GPHN: variants seen among roughly 807,000 people sequenced by gnomAD.
The protein encoded by GPHN is gephyrin.
A neutral mutation model predicts 95.5 loss-of-function variants in GPHN; 17 were observed. The ratio of observed to expected loss-of-function variants is 0.18; its 90% CI spans 0.12 to 0.27. The LOEUF is 0.27. Among genes scored for constraint, GPHN ranks in the 10% least tolerant of loss-of-function variants. GPHN has a pLI of 1.00. For missense variants in GPHN, 660 were observed against 978.1 expected (o/e 0.67, Z 4.34); for synonymous variants, 320 against 322.5 (o/e 0.99, Z 0.08).
At chr14:66,689,027 A>G (rs1248867698) in intron 2 of GPHN, among the ~76,000 whole-genome samples, 1 of 152,206 alleles carries the variant, frequency 6.6e-6, no homozygotes, top group East Asian at 1.9e-4. Context: ...ACACACCTGC[A>G]TATTGTGCAC....
chr14:67,190,607 A>G, the GPHN span, among the ~76,000 whole-genome samples: 2 of 152,158 alleles, frequency 1.3e-5, no homozygotes, highest in Non-Finnish European at 2.9e-5. Context: ...AATTGAGTAA[A>G]TTTTGGGGGA....
At chr14:67,439,561 C>G in the GPHN span, among the ~76,000 whole-genome samples, 1 of 138,054 alleles carries the variant, frequency 7.2e-6, no homozygotes, top group African/African-American at 3.1e-5. Flanking sequence ...TTCTTTCTTT[C>G]TTTCTTTCTT....
chr14:66,834,772 A>C (rs1321308786), intron 4 of GPHN, among the ~76,000 whole-genome samples: 1 of 150,004 alleles, frequency 6.7e-6, no homozygotes, highest in East Asian at 2.0e-4. Context: ...GGCCTCATAA[A>C]ATGAGTTAGG....
chr14:67,109,161 C>A (rs1025201405), intron 13 of GPHN, among the ~76,000 whole-genome samples: 1 of 152,172 alleles, frequency 6.6e-6, no homozygotes, highest in African/African-American at 2.4e-5. Context: ...ATATGGTAAT[C>A]TTATAGGACC....
At chr14:66,555,053 G>A (rs1410604276) in intron 1 of GPHN, among the ~76,000 whole-genome samples, 1 of 151,910 alleles carries the variant, frequency 6.6e-6, no homozygotes, top group Non-Finnish European at 1.5e-5. Flanking sequence ...TCAGAATATT[G>A]GAACTAAAGT....
chr14:67,483,977 C>T, the GPHN span, among the ~76,000 whole-genome samples: 3 of 152,162 alleles, frequency 2.0e-5, no homozygotes, highest in South Asian at 2.1e-4. Flanking sequence ...GCTCAGAAAG[C>T]GAAGGATGCC....
intron 2 of GPHN, among the ~76,000 whole-genome samples, chr14:66,773,209 T>G (rs1179855127): frequency 2.0e-5 from 3 of 152,084 alleles, no homozygotes; most frequent in African/African-American, 7.2e-5. Context: ...AGGTAATAAG[T>G]TCTTTTGCGT....
chr14:67,733,855 G>T, the GPHN span: 1 of 1,598,404 alleles, frequency 6.3e-7, no homozygotes, highest in Non-Finnish European at 8.6e-7. Flanking sequence ...GTAGCTGGTG[G>T]AAGAGCTGCA....
the GPHN span, among the ~76,000 whole-genome samples, chr14:67,537,019 G>T: frequency 6.6e-6 from 1 of 150,958 alleles, no homozygotes; most frequent in African/African-American, 2.5e-5. Flanking sequence ...CAGCCTGGGT[G>T]ACAGAGCGAG....
the GPHN span, chr14:67,384,366 TG>T: frequency 7.0e-6 from 1 of 143,310 alleles, no homozygotes; most frequent in African/African-American, 2.8e-5. Flanking sequence ...CACTTACTGT[TG>T]TTTTTTTTTT....
chr14:66,996,762 A>AT (rs893295526), intron 9 of GPHN, among the ~76,000 whole-genome samples: 7 of 152,098 alleles, frequency 4.6e-5, no homozygotes, highest in Admixed American at 1.3e-4. Flanking sequence ...GACTTTAATA[A>AT]TTTTTTGCTA....
intron 1 of GPHN, among the ~76,000 whole-genome samples, chr14:66,597,902 G>C (rs2062052454): frequency 6.6e-6 from 1 of 152,172 alleles, no homozygotes; most frequent in East Asian, 1.9e-4. Context: ...ATGGGTGAAT[G>C]GATGAAGAAA....
the GPHN span, among the ~76,000 whole-genome samples, chr14:67,612,531 T>A: frequency 6.6e-6 from 1 of 152,184 alleles, no homozygotes; most frequent in Non-Finnish European, 1.5e-5. Flanking sequence ...GTTCTGAAGC[T>A]CCTGTGGCTT....
rs535124409 is a variant in GPHN at position 66,707,139 on chromosome 14, C to T, written c.143+25954C>T. The stretch of plus-strand genomic sequence containing the variant: ...TACCATCTCACGCCAGTCAGAATGG[C>T]GATTATTAAAAAGTCAATAAACAAT... On this transcript the variant is annotated intron_variant, in intron 2 of 22. Coordinates refer to ENST00000478722, the MANE Select transcript of GPHN (RefSeq NM_020806.5). 2.6e-5 allele frequency among the ~76,000 whole-genome samples: 4 copies of T among 151,038 alleles called. No homozygotes were observed. In the South Asian group the frequency reaches 8.4e-4, roughly 32 times the overall value.
the GPHN span, among the ~76,000 whole-genome samples, chr14:67,304,522 A>G: frequency 2.0e-5 from 3 of 152,212 alleles, no homozygotes. Flanking sequence ...AATTATGCTG[A>G]GCGAAGGAAG....
chr14:67,056,317 C>T (rs2075563172), intron 10 of GPHN, among the ~76,000 whole-genome samples: 2 of 151,844 alleles, frequency 1.3e-5, no homozygotes, highest in African/African-American at 4.8e-5. Context: ...TCCAAGTCCC[C>T]ACTAGATTAG....
chr14:66,584,748 A>G (rs930187997), intron 1 of GPHN, among the ~76,000 whole-genome samples: 1 of 152,094 alleles, frequency 6.6e-6, no homozygotes, highest in African/African-American at 2.4e-5. Context: ...CCACTTGATC[A>G]TGGTGGATAA....
chr14:66,718,120 C>T (rs550669716), intron 2 of GPHN, among the ~76,000 whole-genome samples: 6 of 152,202 alleles, frequency 3.9e-5, no homozygotes, highest in Non-Finnish European at 7.4e-5. Context: ...GAAGTGTGTC[C>T]GGAATTGGTT....
chr14:67,100,432 CA>C (rs2077633093), intron 12 of GPHN, among the ~76,000 whole-genome samples: 1 of 152,008 alleles, frequency 6.6e-6, no homozygotes, highest in Non-Finnish European at 1.5e-5. Context: ...GATATGTATA[CA>C]AATAGTGATA....
Sources: allele counts gnomAD v4.1 joint callset (sites outside exome capture counted in the v4.1 genomes callset), GRCh38; gene constraint gnomAD v4.1.1; transcripts MANE v1.5; gene names NCBI Gene and HGNC (gene_info 2026-07-23, HGNC 2026-07-21).